MALRD1: variants seen among roughly 807,000 people sequenced by gnomAD.
The protein encoded by MALRD1 is MAM and LDL receptor class A domain containing 1.
Under a neutral mutation model 242.1 loss-of-function variants are expected in MALRD1, and 247 were observed. That is an observed-to-expected ratio of 1.02 (90% confidence interval 0.92 to 1.13). The LOEUF (loss-of-function observed/expected upper bound fraction) is 1.13. Among genes scored for constraint, MALRD1 ranks in the 50% most tolerant of loss-of-function variants. The pLI, the probability that MALRD1 is intolerant of heterozygous loss-of-function variation, is 0.00. For synonymous variants in MALRD1, 995 were observed against 866.6 expected, an observed-to-expected ratio of 1.15 and a Z score of -2.60; for missense variants, 2,989 against 2,533.1, an observed-to-expected ratio of 1.18 and a Z score of -3.86.
chr10:19,339,250 A>G (rs149521323), intron 24 of MALRD1, among the ~76,000 whole-genome samples: 3 of 152,154 alleles, frequency 2.0e-5, no homozygotes, highest in Admixed American at 6.6e-5. Context: ...TAAAGTTTCT[A>G]TTTCTGAGGT....
At chr10:19,338,042 C>G (rs1260032333) in intron 24 of MALRD1, among the ~76,000 whole-genome samples, 1 of 143,408 alleles carries the variant, frequency 7.0e-6, no homozygotes, top group South Asian at 2.2e-4. Flanking sequence ...AGCCTGGTGA[C>G]AGAGCAAGAT....
chr10:19,339,644 A>G (rs1375092243), intron 24 of MALRD1, among the ~76,000 whole-genome samples: 3 of 152,210 alleles, frequency 2.0e-5, no homozygotes, highest in Admixed American at 6.5e-5. Context: ...CATCTGTATC[A>G]TGATAATGCT....
intron 32 of MALRD1, among the ~76,000 whole-genome samples, chr10:19,543,433 CTT>C (rs71388849): frequency 0.077 from 8,203 of 106,414 alleles, 925 homozygotes; most frequent in African/African-American, 0.24. Context: ...CAGCTGATTT[CTT>C]TTTTTTTTTT....
intron 1 of MALRD1, among the ~76,000 whole-genome samples, chr10:19,057,321 G>T (rs1280081866): frequency 6.6e-6 from 1 of 152,106 alleles, no homozygotes; most frequent in East Asian, 1.9e-4. Context: ...CAGATTCAGT[G>T]TCTGGTGCCC....
chr10:19,306,301 CG>C (rs1437107407), intron 21 of MALRD1, among the ~76,000 whole-genome samples: 3 of 133,668 alleles, frequency 2.2e-5, no homozygotes, highest in South Asian at 2.3e-4. Flanking sequence ...TATATAGTGT[CG>C]TATATATACC....
chr10:19,197,823 C>T (rs192621203), intron 14 of MALRD1, among the ~76,000 whole-genome samples: 15 of 152,288 alleles, frequency 9.8e-5, no homozygotes, highest in Admixed American at 7.9e-4. Flanking sequence ...GTCCACACCC[C>T]CCTGGCTTTC....
chr10:19,293,240 G>A (rs551870102), intron 21 of MALRD1, among the ~76,000 whole-genome samples: 1 of 152,166 alleles, frequency 6.6e-6, no homozygotes, highest in South Asian at 2.1e-4. Flanking sequence ...AGCAAGTGGT[G>A]CAAACAGCTG....
At chr10:19,488,435 C>G (rs1037974731) in intron 29 of MALRD1, among the ~76,000 whole-genome samples, 1 of 152,022 alleles carries the variant, frequency 6.6e-6, no homozygotes, top group Non-Finnish European at 1.5e-5. Flanking sequence ...TAAAAGGGTA[C>G]TTAGGTGGCA....
chr10:19,354,120 G>C (rs1300950721), intron 26 of MALRD1, among the ~76,000 whole-genome samples: 1 of 151,952 alleles, frequency 6.6e-6, no homozygotes, highest in African/African-American at 2.4e-5. Flanking sequence ...AATCTTGTTG[G>C]GGATTTTAAG....
chr10:19,542,168 A>G (rs893847920), intron 32 of MALRD1, among the ~76,000 whole-genome samples: 10 of 152,168 alleles, frequency 6.6e-5, no homozygotes, highest in Admixed American at 5.9e-4. Context: ...CCTGACTACA[A>G]ACAGACTAGG....
chr10:19,576,497 A>T (rs1442488354), intron 33 of MALRD1, among the ~76,000 whole-genome samples: 1 of 152,208 alleles, frequency 6.6e-6, no homozygotes, highest in East Asian at 1.9e-4. Flanking sequence ...ATATAGAGCA[A>T]ATGGAAGGGA....
At chr10:19,367,515 T>C (rs1488432570) in intron 26 of MALRD1, among the ~76,000 whole-genome samples, 3 of 152,144 alleles carry the variant, frequency 2.0e-5, no homozygotes, top group South Asian at 4.1e-4. Flanking sequence ...CATTCACTTG[T>C]TATTGGACAC....
intron 18 of MALRD1, among the ~76,000 whole-genome samples, chr10:19,242,282 A>G (rs942610923): frequency 4.6e-5 from 7 of 152,158 alleles, no homozygotes; most frequent in African/African-American, 1.7e-4. Flanking sequence ...CCACAAGAAC[A>G]GTATGGGGGA....
chr10:19,578,501 G>A (rs1836940455), intron 33 of MALRD1, among the ~76,000 whole-genome samples: 1 of 152,128 alleles, frequency 6.6e-6, no homozygotes, highest in South Asian at 2.1e-4. Context: ...AGACCACCCT[G>A]GCCAACATGG....
At chr10:19,149,199 T>C (rs1224626011) in intron 11 of MALRD1, among the ~76,000 whole-genome samples, 1 of 152,012 alleles carries the variant, frequency 6.6e-6, no homozygotes, top group East Asian at 1.9e-4. Context: ...CACTGCAAAC[T>C]CCACCTCCCA....
rs373328500 is a variant in MALRD1, at chr10:19,335,720, G to T, written c.3901+4138G>T. Among the ~76,000 whole-genome samples the T allele has an allele frequency of 1.3e-4, 20 of 152,056 alleles. 1 individual carries two copies. In the East Asian group the frequency reaches 1.5e-3, roughly 12 times the overall value. ...TGAGAAGGCTTTGAAAATGTGATTA[G>T]GTAGAAATATACCATCTAGGAATAG... On this transcript the variant is annotated intron_variant, in intron 24 of 39. Coordinates refer to ENST00000454679, the MANE Select transcript of MALRD1 (RefSeq NM_001142308.3).
chr10:19,607,740 G>T, intron 34 of MALRD1, 37 bp from the exon 35 acceptor site: 15 of 1,525,924 alleles, frequency 9.8e-6, no homozygotes, highest in Non-Finnish European at 1.2e-5. Context: ...AAAAAATCAT[G>T]CTGGCATCCC....
Position 19,491,504 on chromosome 10 carries a change from TG to T in MALRD1, c.5030-12del. On this transcript the variant is annotated splice_polypyrimidine_tract_variant and intron_variant, in intron 29 of 39. Coordinates refer to ENST00000454679, the MANE Select transcript of MALRD1 (RefSeq NM_001142308.3). ...TGATGGAATACTGCTTTTGTTTTTTTGTTTTTCCCTAGTGGGAGAGATCTCT... is the reference window on the plus strand; with the variant it reads ...TGATGGAATACTGCTTTTGTTTTTTTTTTTTCCCTAGTGGGAGAGATCTCT... 1.3e-6 allele frequency: 2 copies of T among 1,548,360 alleles called. No individual in the cohort carries two copies. Among genetic ancestry groups the T allele is most frequent in the Non-Finnish European group, 1.7e-6 (2 of 1,146,230 alleles).
chr10:19,333,010 C>G (rs979053140), intron 24 of MALRD1, among the ~76,000 whole-genome samples: 11 of 152,230 alleles, frequency 7.2e-5, no homozygotes, highest in African/African-American at 2.6e-4. Context: ...TATCCCTCCC[C>G]TAGCCCCCTA....
Sources: gnomAD v4.1 joint callset for allele counts (sites outside exome capture counted in the v4.1 genomes callset) on GRCh38, gnomAD v4.1.1 for gene constraint, MANE v1.5 for transcripts, NCBI Gene and HGNC (gene_info 2026-07-23, HGNC 2026-07-21) for gene names.